Variants in PCDHGA1 observed in about 807,000 individuals in gnomAD.
PCDHGA1 encodes protocadherin gamma subfamily A, 1.
In PCDHGA1, 32 loss-of-function variants were observed where a neutral mutation model predicts 58.0. The ratio of observed to expected loss-of-function variants is 0.55; its 90% CI spans 0.42 to 0.74. The LOEUF (loss-of-function observed/expected upper bound fraction) is 0.74, where lower values mean the gene tolerates loss of function less well. Ranked by LOEUF, PCDHGA1 falls within the 30% of genes least tolerant of loss-of-function variation. The pLI is 0.00. For missense variants in PCDHGA1, 1,205 were observed against 1,182.3 expected (o/e 1.02, Z -0.28); for synonymous variants, 498 against 501.1 (o/e 0.99, Z 0.08).
chr5:141,420,238 T>C, intron 1 of PCDHGA1: 2 of 1,594,838 alleles, frequency 1.3e-6, no homozygotes, highest in South Asian at 1.1e-5. Context: ...GCATTTTAAC[T>C]CCCAGCGTTG....
At position 141,362,048 on chromosome 5, in the gene PCDHGA1, C is replaced by T. The variant is rs764745412; in HGVS notation, c.2421+28943C>T. 7 of 1,610,984 alleles carry T rather than the reference C, an allele frequency of 4.3e-6. No individual in the cohort carries two copies. The African/African-American group carries it at 9.4e-5, about 22-fold the overall frequency. ...CGTGCCTTGGGCGACAGGGACGCGG[C>T]CCGCCAGCGCCTGCTGGTCGCTGTG... On this transcript the variant is annotated intron_variant, in intron 1 of 3. Transcript: ENST00000517417.
At chr5:141,394,690 T>A (rs745602076) in intron 1 of PCDHGA1, 1 of 1,610,768 alleles carries the variant, frequency 6.2e-7, no homozygotes, top group East Asian at 2.2e-5. Flanking sequence ...ACGGGCGAGG[T>A]GCGCACGGCG....
At chr5:141,345,501 G>A in intron 1 of PCDHGA1, 1 of 1,614,128 alleles carries the variant, frequency 6.2e-7, no homozygotes, top group Non-Finnish European at 8.5e-7. Flanking sequence ...CATCACTTAT[G>A]CATTGACCGA....
At chr5:141,361,005 C>T (rs371836659) in intron 1 of PCDHGA1, 3 of 1,613,186 alleles carry the variant, frequency 1.9e-6, no homozygotes, top group Non-Finnish European at 2.5e-6. Context: ...AAGTGAAACA[C>T]TTTTTCAACT....
At chr5:141,456,702 C>T (rs1185842343) in intron 1 of PCDHGA1, among the ~76,000 whole-genome samples, 1 of 152,062 alleles carries the variant, frequency 6.6e-6, no homozygotes, top group Non-Finnish European at 1.5e-5. Flanking sequence ...TGGTGGCTCG[C>T]GCCTGTAATC....
At chr5:141,401,935 T>C (rs1026278615) in intron 1 of PCDHGA1, among the ~76,000 whole-genome samples, 4 of 152,240 alleles carry the variant, frequency 2.6e-5, no homozygotes, top group African/African-American at 9.6e-5. Flanking sequence ...CTTAGAATAA[T>C]GTTTAAGACC....
chr5:141,351,658 C>T, intron 1 of PCDHGA1: 2 of 1,614,064 alleles, frequency 1.2e-6, no homozygotes, highest in Non-Finnish European at 1.7e-6. Flanking sequence ...CTGGCGCCTC[C>T]ATTGCACAAG....
intron 1 of PCDHGA1, chr5:141,422,204 GAGGTCTCTTTACCA>G: frequency 6.4e-7 from 1 of 1,562,138 alleles, no homozygotes. Flanking sequence ...CAAGATGGTG[GAGGTCTCTTTACCA>G]CCACGACGAT....
intron 1 of PCDHGA1, among the ~76,000 whole-genome samples, chr5:141,401,393 A>G (rs2094149748): frequency 6.6e-6 from 1 of 152,202 alleles, no homozygotes. Context: ...ACTACATGTT[A>G]TGTGTATGAG....
intron 1 of PCDHGA1, chr5:141,370,790 C>A: frequency 6.2e-7 from 1 of 1,614,040 alleles, no homozygotes; most frequent in Non-Finnish European, 8.5e-7. Context: ...ACCCACCGAC[C>A]TTTAGCCAAA....
At chr5:141,453,989 A>T (rs902043628) in intron 1 of PCDHGA1, among the ~76,000 whole-genome samples, 6 of 152,256 alleles carry the variant, frequency 3.9e-5, no homozygotes, top group African/African-American at 1.4e-4. Context: ...CCTTCCAGTG[A>T]TAAACCCACA....
chr5:141,356,825 T>G, intron 1 of PCDHGA1: 3 of 1,614,132 alleles, frequency 1.9e-6, no homozygotes, highest in Non-Finnish European at 1.7e-6. Context: ...GACCCTCCAC[T>G]CAGCAGCAAT....
chr5:141,423,234 C>A (rs1408925478), intron 1 of PCDHGA1: 1 of 1,613,800 alleles, frequency 6.2e-7, no homozygotes, highest in Non-Finnish European at 8.5e-7. Context: ...CCGACAGCAT[C>A]CCCGAAGTCC....
At chr5:141,410,100 G>A in intron 1 of PCDHGA1, 1 of 1,612,736 alleles carries the variant, frequency 6.2e-7, no homozygotes, top group Non-Finnish European at 8.5e-7. Context: ...CGAGCCTTAG[G>A]CGACAGGGAC....
At chr5:141,355,760 A>G in intron 1 of PCDHGA1, 1 of 1,613,936 alleles carries the variant, frequency 6.2e-7, no homozygotes, top group Non-Finnish European at 8.5e-7. Flanking sequence ...AGTGGGGCCG[A>G]TGGGATTAAG....
intron 1 of PCDHGA1, chr5:141,409,471 A>G (rs2095271616): frequency 1.2e-6 from 2 of 1,613,860 alleles, no homozygotes; most frequent in Non-Finnish European, 1.7e-6. Flanking sequence ...TCACCATCGT[A>G]GCCACTGACA....
In PCDHGA1 at chr5:141,490,000, A is replaced by G. The variant is rs762999106; in HGVS notation, c.2422-4807A>G. The G allele has an allele frequency of 6.2e-7, 1 of 1,614,198 alleles. No individual in the cohort carries two copies. Among genetic ancestry groups the G allele is most frequent in the Admixed American group, 1.7e-5 (1 of 60,032 alleles). ...AGTTCTACGTGTGGGAATCCCAGAG[A>G]ATGCACCCATTGGTACTCTGCTGCT... On this transcript the variant is annotated intron_variant, in intron 1 of 3. Coordinates refer to ENST00000517417, the MANE Select transcript of PCDHGA1 (RefSeq NM_018912.3). The surrounding 1 kb of genome is among the most constrained non-coding windows in gnomAD (Gnocchi z 4.5).
chr5:141,449,842 A>G (rs893220311), intron 1 of PCDHGA1, among the ~76,000 whole-genome samples: 4 of 151,700 alleles, frequency 2.6e-5, no homozygotes, highest in Non-Finnish European at 4.4e-5. Flanking sequence ...TTATATAATT[A>G]AATTTTAATA....
At chr5:141,409,596 A>G in intron 1 of PCDHGA1, 1 of 1,613,714 alleles carries the variant, frequency 6.2e-7, no homozygotes, top group Non-Finnish European at 8.5e-7. Flanking sequence ...GCCGAGAACA[A>G]CCCGCCAGGA....
Sources: gnomAD v4.1 joint callset for allele counts (sites outside exome capture counted in the v4.1 genomes callset) on GRCh38, gnomAD v4.1.1 for gene constraint, Gnocchi (gnomAD v3.1) non-coding constraint, MANE v1.5 for transcripts, NCBI Gene and HGNC (gene_info 2026-07-23, HGNC 2026-07-21) for gene names.